Variants in AHI1 observed in about 807,000 individuals in gnomAD.
AHI1 encodes Abelson helper integration site 1.
AHI1 carries 123 observed loss-of-function variants against 149.3 expected under a neutral mutation model. That is an observed-to-expected ratio of 0.82 (90% CI 0.71 to 0.96). The LOEUF is 0.96. Among genes scored for constraint, AHI1 ranks in the 40% least tolerant of loss-of-function variants. AHI1 has a pLI of 0.00. For synonymous variants in AHI1, 475 were observed against 459.8 expected, an observed-to-expected ratio of 1.03 and a Z score of -0.42; for missense variants, 1,439 against 1,422.7, an observed-to-expected ratio of 1.01 and a Z score of -0.18.
rs370133811 is a variant in AHI1 at position 135,316,361 on chromosome 6, ACTTTGAGAATGG to A, written c.3426+2146_3426+2157del. Among the ~76,000 whole-genome samples the A allele has an allele frequency of 1.7e-3, 266 of 152,168 alleles. 1 individual carries two copies. The highest frequency in any genetic ancestry group is 6.2e-3 in the African/African-American group (257 of 41,532). On this transcript the variant is annotated intron_variant, in intron 26 of 28. Coordinates refer to ENST00000265602, the MANE Select transcript of AHI1 (RefSeq NM_001134831.2). ...ATCTTTTTTTATTCTTCAAAGTGAA[ACTTTGAGAATGG>A]CTTCCATGAGAGTTCACATGCTGAG...
chr6:135,472,245 G>C (rs926779120), intron 5 of AHI1, among the ~76,000 whole-genome samples: 14 of 151,932 alleles, frequency 9.2e-5, no homozygotes, highest in African/African-American at 3.1e-4. Context: ...TATCACAATA[G>C]CTTTGCCTTG....
chr6:135,365,394 G>A (rs1162762408), intron 23 of AHI1, among the ~76,000 whole-genome samples: 1 of 152,108 alleles, frequency 6.6e-6, no homozygotes, highest in Non-Finnish European at 1.5e-5. Flanking sequence ...TATTGCTTTT[G>A]GCAGTACGGT....
At chr6:135,352,442 A>C (rs566977680) in intron 24 of AHI1, among the ~76,000 whole-genome samples, 12 of 152,168 alleles carry the variant, frequency 7.9e-5, no homozygotes, top group African/African-American at 2.9e-4. Flanking sequence ...GCATTCTTTT[A>C]AAAATCCCAT....
intron 5 of AHI1, among the ~76,000 whole-genome samples, chr6:135,487,099 T>C (rs968410523): frequency 1.3e-5 from 2 of 152,160 alleles, no homozygotes; most frequent in African/African-American, 4.8e-5. Context: ...TGAACCCACT[T>C]TTTAAAATAG....
chr6:135,405,040 A>G (rs1033536019), intron 21 of AHI1, 63 bp from the exon 22 acceptor site: 250 of 1,367,198 alleles, frequency 1.8e-4, no homozygotes, highest in Non-Finnish European at 2.4e-4. Context: ...ACTGTTTGCA[A>G]AACACTCAGA....
chr6:135,424,395 G>A (rs1783652071), intron 20 of AHI1, among the ~76,000 whole-genome samples: 1 of 151,928 alleles, frequency 6.6e-6, no homozygotes, highest in Non-Finnish European at 1.5e-5. Context: ...GGTGAATATT[G>A]ATTAATAACA....
chr6:135,311,236 A>C (rs1337488107), intron 26 of AHI1, among the ~76,000 whole-genome samples: 3 of 142,204 alleles, frequency 2.1e-5, no homozygotes, highest in Non-Finnish European at 4.5e-5. Flanking sequence ...GGGAAGGCAG[A>C]GGTTGCAGTG....
At chr6:135,375,948 T>C (rs933984486) in intron 23 of AHI1, among the ~76,000 whole-genome samples, 1 of 151,974 alleles carries the variant, frequency 6.6e-6, no homozygotes, top group Non-Finnish European at 1.5e-5. Context: ...CTGGTTCATA[T>C]CAAAGGACAT....
Position 135,463,137 on chromosome 6 carries a change from T to C in AHI1, c.919A>G (p.Lys307Glu). Residue 307 changes from lysine to glutamate, a missense_variant, in exon 8 of 29, where the codon AAG becomes GAG. Transcript: ENST00000265602. ...TKPKPKKTKK[K>E]TKAVADNNED... ...TTGTATAGCAAACCTGCTTTAGTCT[T>C]CTTTTTTGTTTTTTTTGGTTTAGGT... The C allele has an allele frequency of 6.3e-7, 1 of 1,582,474 alleles. No homozygotes were observed.
At chr6:135,407,743 T>C (rs1052591924) in intron 21 of AHI1, among the ~76,000 whole-genome samples, 1 of 152,208 alleles carries the variant, frequency 6.6e-6, no homozygotes, top group African/African-American at 2.4e-5. Flanking sequence ...CCGGGCACAG[T>C]GGCTCATGCC....
intron 11 of AHI1, among the ~76,000 whole-genome samples, chr6:135,449,722 T>C (rs1169684762): frequency 1.3e-5 from 2 of 152,228 alleles, no homozygotes; most frequent in Non-Finnish European, 1.5e-5. Context: ...GGCTCTAAGA[T>C]AGTATTGTCC....
At chr6:135,412,749 T>G (rs144270361) in intron 20 of AHI1, among the ~76,000 whole-genome samples, 1 of 152,262 alleles carries the variant, frequency 6.6e-6, no homozygotes, top group African/African-American at 2.4e-5. Context: ...AGTTACATAA[T>G]CTTGAAATGG....
chr6:135,374,183 G>A (rs1381964912), intron 23 of AHI1, among the ~76,000 whole-genome samples: 2 of 136,512 alleles, frequency 1.5e-5, no homozygotes, highest in African/African-American at 2.7e-5. Flanking sequence ...GCGCAATCTC[G>A]GCTTACTGCA....
At chr6:135,348,729 G>C (rs745481152) in intron 24 of AHI1, among the ~76,000 whole-genome samples, 9 of 152,044 alleles carry the variant, frequency 5.9e-5, no homozygotes, top group Non-Finnish European at 1.3e-4. Flanking sequence ...AAAAAATCAA[G>C]ATTCAAAAGA....
In AHI1 at chr6:135,366,323, C is replaced by T. The variant is rs142897374; in HGVS notation, c.3110-8136G>A. On this transcript the variant is annotated intron_variant, in intron 23 of 28. Transcript: ENST00000265602. ...CATAGAATGATTTAGGAAAGATTCC[C>T]TTGTTCTCTATCTTTTGGAATAGTG... is the stretch of plus-strand genomic sequence containing the variant. Among the ~76,000 whole-genome samples the T allele has an allele frequency of 8.5e-3, 1,288 of 152,050 alleles. 11 individuals are homozygous for T. Among genetic ancestry groups the T allele is most frequent in the Non-Finnish European group, 0.015 (1,020 of 67,952 alleles).
At chr6:135,367,263 C>T (rs1562592911) in intron 23 of AHI1, among the ~76,000 whole-genome samples, 1 of 152,164 alleles carries the variant, frequency 6.6e-6, no homozygotes, top group Non-Finnish European at 1.5e-5. Flanking sequence ...TTATAGGTTA[C>T]CTGATGCTTT....
chr6:135,417,054 A>G lies in AHI1; in HGVS notation c.2765-5510T>C, dbSNP rs112660049. Among the ~76,000 whole-genome samples, 721 of 152,242 alleles carry G rather than the reference A, an allele frequency of 4.7e-3. 5 individuals carry two copies. The highest frequency in any genetic ancestry group is 0.016 in the African/African-American group (675 of 41,552). On this transcript the variant is annotated intron_variant, in intron 20 of 28. Coordinates refer to ENST00000265602, the MANE Select transcript of AHI1 (RefSeq NM_001134831.2). Reference sequence around the variant, plus strand: ...GCTTACAGAACAAGAGAAACTTTAAAGCTGTAAAAGAAAATAAGTGCTCCA... The same window carrying G: ...GCTTACAGAACAAGAGAAACTTTAAGGCTGTAAAAGAAAATAAGTGCTCCA...
At chr6:135,496,569 C>G (rs540885459) in intron 2 of AHI1, among the ~76,000 whole-genome samples, 1 of 152,318 alleles carries the variant, frequency 6.6e-6, no homozygotes, top group African/African-American at 2.4e-5. Context: ...CTCACAAACC[C>G]TTTCACAGGA....
At chr6:135,340,658 CATATATATATATATATATAT>C (rs71006759) in intron 24 of AHI1, among the ~76,000 whole-genome samples, 8 of 38,064 alleles carry the variant, frequency 2.1e-4, no homozygotes, top group Non-Finnish European at 3.5e-4. Flanking sequence ...TACATACATA[CATATATATATATATATATAT>C]ATATATATAT....
Sources: allele counts gnomAD v4.1 joint callset (sites outside exome capture counted in the v4.1 genomes callset), GRCh38; gene constraint gnomAD v4.1.1; transcripts MANE v1.5; gene names NCBI Gene and HGNC (gene_info 2026-07-23, HGNC 2026-07-21).